Variants in DOCK10 observed in about 807,000 individuals in gnomAD.
DOCK10 encodes the protein dedicator of cytokinesis 10.
In DOCK10, 145 loss-of-function variants were observed where a neutral mutation model predicts 280.1. The observed-to-expected ratio is 0.52, with a 90% CI of 0.45 to 0.59. The LOEUF is 0.59. DOCK10 is among the 20% of genes least tolerant of loss of function. DOCK10 has a pLI of 0.00. For synonymous variants in DOCK10, 915 were observed against 942.2 expected (o/e 0.97, Z 0.53); for missense variants, 2,368 against 2,651.7 (o/e 0.89, Z 2.35).
In DOCK10 at chr2:224,999,027, A is replaced by C. The variant is rs971374425; in HGVS notation, c.123+43225T>G. Among the ~76,000 whole-genome samples the C allele has an allele frequency of 3.9e-5, 6 of 152,108 alleles. No homozygotes were observed. In the East Asian group the frequency reaches 1.2e-3, roughly 29 times the overall value. On this transcript the variant is annotated intron_variant, in intron 1 of 55. Transcript: ENST00000258390. ...TATGGTGAAACCTCGGCTCTACTAA[A>C]AATACAAAAGTTAGCTGGGTGTGAT...
intron 51 of DOCK10, among the ~76,000 whole-genome samples, chr2:224,775,996 CAA>C (rs1229843847): frequency 1.3e-5 from 2 of 150,096 alleles, no homozygotes; most frequent in Non-Finnish European, 3.0e-5. Flanking sequence ...TTATCTGTAA[CAA>C]GTCATCCCAT....
intron 11 of DOCK10, among the ~76,000 whole-genome samples, chr2:224,869,995 G>T (rs1293033037): frequency 6.6e-6 from 1 of 152,118 alleles, no homozygotes; most frequent in African/African-American, 2.4e-5. Context: ...GTAATGATAT[G>T]ATTTGGCTGT....
intron 1 of DOCK10, among the ~76,000 whole-genome samples, chr2:224,982,975 C>T (rs2126256943): frequency 6.6e-6 from 1 of 152,196 alleles, no homozygotes; most frequent in Middle Eastern, 3.4e-3. Context: ...ATTAACCAGC[C>T]CTGAGTGAGA....
chr2:224,965,631 G>A (rs1704692557), intron 1 of DOCK10, among the ~76,000 whole-genome samples: 2 of 152,170 alleles, frequency 1.3e-5, no homozygotes, highest in African/African-American at 2.4e-5. Flanking sequence ...TACACAGATA[G>A]TAGCTTAATT....
rs1284260880 is a variant in DOCK10 at position 224,765,780 on chromosome 2, T to C, written c.6502A>G (p.Ile2168Val). The C allele has an allele frequency of 1.7e-5, 28 of 1,613,938 alleles. No homozygotes were observed. The highest frequency in any genetic ancestry group is 2.4e-5 in the Non-Finnish European group (28 of 1,179,878). ...GGTAGGGCCGGAGTTGCTTTGCTAA[T>C]TACTCGAGTGCAGGTTTGGTCCACT... is the stretch of plus-strand genomic sequence containing the variant. ...RGVDQTCTRV[I>V]SKATPALPTV... The change falls in exon 56 of 56, where the codon ATT becomes GTT. Residue 2168 changes from isoleucine (I) to valine (V), a missense_variant. This residue lies in a region of DOCK10 where 1,159 missense variants were observed against 1,400.8 expected (regional missense o/e 0.83). Coordinates refer to ENST00000258390, the MANE Select transcript of DOCK10 (RefSeq NM_014689.3).
intron 1 of DOCK10, among the ~76,000 whole-genome samples, chr2:224,984,955 C>CCTCA (rs1366160773): frequency 6.6e-6 from 1 of 151,770 alleles, no homozygotes; most frequent in African/African-American, 2.4e-5. Flanking sequence ...GATTCTCGTG[C>CCTCA]CTCAGCCTCC....
At chr2:224,849,485 G>A in intron 19 of DOCK10, 22 bp downstream of exon 19, 1 of 1,555,658 alleles carries the variant, frequency 6.4e-7, no homozygotes. Flanking sequence ...ACCGCTGGGG[G>A]CAGTGGAGGG....
chr2:224,943,901 C>T (rs568732345), intron 1 of DOCK10, among the ~76,000 whole-genome samples: 3 of 151,810 alleles, frequency 2.0e-5, no homozygotes, highest in Admixed American at 2.0e-4. Flanking sequence ...GTAGCTGGGA[C>T]TACAGGCACG....
chr2:224,830,201 C>A (rs547729653), intron 27 of DOCK10, among the ~76,000 whole-genome samples: 3 of 152,188 alleles, frequency 2.0e-5, no homozygotes, highest in Non-Finnish European at 4.4e-5. Context: ...CCAGCTAAAA[C>A]CTTGTCACTG....
chr2:224,890,290 A>T (rs1036864597), intron 4 of DOCK10, among the ~76,000 whole-genome samples: 22 of 152,310 alleles, frequency 1.4e-4, no homozygotes, highest in Non-Finnish European at 4.4e-5. Flanking sequence ...ATTAATGTAA[A>T]TTTCCGCAAG....
rs542619534 is a variant in DOCK10 at position 224,851,190 on chromosome 2, C to G, written c.2142+1187G>C. Among the ~76,000 whole-genome samples, 206 of 152,294 alleles carry G rather than the reference C, an allele frequency of 1.4e-3. 1 individual carries two copies. The highest frequency in any genetic ancestry group is 4.8e-3 in the African/African-American group (201 of 41,566). ...TTGTCCAAAGCTCAGGACCCCTCTT[C>G]TGGAGTCTGACAGTTAGCTTTGCTG... On this transcript the variant is annotated intron_variant, in intron 18 of 55. Coordinates refer to ENST00000258390, the MANE Select transcript of DOCK10 (RefSeq NM_014689.3).
intron 1 of DOCK10, among the ~76,000 whole-genome samples, chr2:224,952,638 G>T (rs1424292239): frequency 8.7e-5 from 13 of 150,048 alleles, no homozygotes; most frequent in African/African-American, 3.0e-4. Flanking sequence ...TGTCGCCCAG[G>T]CTGGAGTGCA....
intron 1 of DOCK10, among the ~76,000 whole-genome samples, chr2:224,971,394 GA>G (rs1314878353): frequency 6.6e-6 from 1 of 152,054 alleles, no homozygotes; most frequent in Non-Finnish European, 1.5e-5. Flanking sequence ...GAGGTGGGTG[GA>G]ATGGGAGGAA....
At chr2:225,031,926 C>T (rs1311606392) in intron 1 of DOCK10, among the ~76,000 whole-genome samples, 2 of 152,136 alleles carry the variant, frequency 1.3e-5, no homozygotes, top group Non-Finnish European at 2.9e-5. Flanking sequence ...ATTCCACTAG[C>T]CCTGTCCTCA....
chr2:224,797,863 A>G lies in DOCK10; in HGVS notation c.4613T>C (p.Val1538Ala). 2 of 1,613,846 alleles carry G rather than the reference A, an allele frequency of 1.2e-6. No homozygotes were observed. The highest frequency in any genetic ancestry group is 1.7e-6 in the Non-Finnish European group (2 of 1,179,784). The change falls in exon 42 of 56, where the codon GTG becomes GCG. Residue 1538 changes from valine (V) to alanine (A), a missense_variant. This residue lies in a region of DOCK10 where 1,159 missense variants were observed against 1,400.8 expected (regional missense o/e 0.83). Transcript: ENST00000258390. Reference sequence around the variant, plus strand: ...TACAAACAGTCTCAAGGAGGCAAACACATGCTTCAGCGCTGTGGCTGACTG... The same window carrying G: ...TACAAACAGTCTCAAGGAGGCAAACGCATGCTTCAGCGCTGTGGCTGACTG... ...VNQSATALKHVFASLRLFVCK... is the reference protein window; with the variant it reads ...VNQSATALKHAFASLRLFVCK...
chr2:225,030,967 A>G (rs1399524028), intron 1 of DOCK10, among the ~76,000 whole-genome samples: 1 of 152,138 alleles, frequency 6.6e-6, no homozygotes, highest in Admixed American at 6.5e-5. Context: ...TGCATGCCTA[A>G]TCTATACTCC....
intron 1 of DOCK10, among the ~76,000 whole-genome samples, chr2:224,964,472 C>G (rs757324820): frequency 7.8e-6 from 1 of 127,812 alleles, no homozygotes; most frequent in Non-Finnish European, 1.7e-5. Flanking sequence ...AGTATGTGTT[C>G]TTTCTTTCTT....
In DOCK10 at chr2:224,869,723, T is replaced by C. The variant is rs76965403; in HGVS notation, c.1257+4273A>G. ...GACAGATACCAAAGGACACACTAAC[T>C]TGGTTCTCTGTACTTGGCTGTGTTC... On this transcript the variant is annotated intron_variant, in intron 11 of 55. Transcript: ENST00000258390. Among the ~76,000 whole-genome samples, 763 of 152,246 alleles carry C rather than the reference T, an allele frequency of 5.0e-3. 2 individuals carry two copies. The highest frequency in any genetic ancestry group is 0.018 in the African/African-American group (741 of 41,536).
At chr2:224,966,334 T>C (rs1704742296) in intron 1 of DOCK10, among the ~76,000 whole-genome samples, 1 of 123,848 alleles carries the variant, frequency 8.1e-6, no homozygotes, top group South Asian at 2.8e-4. Context: ...TTATCCTCCC[T>C]ATAGAGAGAT....
Sources: allele counts gnomAD v4.1 joint callset (sites outside exome capture counted in the v4.1 genomes callset), GRCh38; gene constraint gnomAD v4.1.1; regional missense constraint gnomAD v4.1.1; transcripts MANE v1.5; gene names NCBI Gene and HGNC (gene_info 2026-07-23, HGNC 2026-07-21).